The following ADD3 variants were observed in gnomAD, a reference collection of about 807,000 sequenced individuals.
ADD3 encodes the protein adducin 3.
In ADD3, 25 loss-of-function variants were observed where a neutral mutation model predicts 80.2. That is an observed-to-expected ratio of 0.31 (90% CI 0.23 to 0.44). The LOEUF (loss-of-function observed/expected upper bound fraction) is 0.44. ADD3 is among the 20% of genes least tolerant of loss of function. The pLI, the probability that ADD3 is intolerant of heterozygous loss-of-function variation, is 1.00. For missense variants in ADD3, 829 were observed against 847.5 expected (o/e 0.98, Z 0.27); for synonymous variants, 284 against 289.6 (o/e 0.98, Z 0.20).
At chr10:110,102,289 C>G (rs58133534) in intron 2 of ADD3, among the ~76,000 whole-genome samples, 2,995 of 152,112 alleles carry the variant, frequency 0.02, 109 homozygotes, top group African/African-American at 0.068. Context: ...GTTTCCTTCT[C>G]CAAAGAAACC....
At chr10:110,113,370 C>T (rs1027954431) in intron 3 of ADD3, among the ~76,000 whole-genome samples, 4 of 152,156 alleles carry the variant, frequency 2.6e-5, no homozygotes, top group Admixed American at 6.5e-5. Context: ...CAGGTTCAAG[C>T]GATTCTCCTG....
chr10:110,125,715 AATT>A, intron 10 of ADD3, 108 bp from the exon 11 acceptor site: 1 of 727,234 alleles, frequency 1.4e-6, no homozygotes, highest in Non-Finnish European at 2.1e-6. Flanking sequence ...TGCTTAGTGA[AATT>A]ATTTAAACAT....
At chr10:110,026,162 C>T (rs947845438) in intron 1 of ADD3, among the ~76,000 whole-genome samples, 1 of 152,000 alleles carries the variant, frequency 6.6e-6, no homozygotes, top group African/African-American at 2.4e-5. Flanking sequence ...CTTGACATTC[C>T]TTTTTCTTTT....
chr10:110,062,265 A>ATGCTT (rs1035409865), intron 1 of ADD3, among the ~76,000 whole-genome samples: 2 of 145,278 alleles, frequency 1.4e-5, no homozygotes, highest in Non-Finnish European at 3.0e-5. Flanking sequence ...ATGGTGGCAC[A>ATGCTT]TGCTTGTAAT....
At chr10:110,092,163 CT>C (rs1445446644) in intron 1 of ADD3, among the ~76,000 whole-genome samples, 1 of 152,170 alleles carries the variant, frequency 6.6e-6, no homozygotes, top group Non-Finnish European at 1.5e-5. Context: ...CAGGAGGTTT[CT>C]CACAGAATTT....
At chr10:110,109,082 A>G (rs916785587) in intron 2 of ADD3, among the ~76,000 whole-genome samples, 1 of 152,224 alleles carries the variant, frequency 6.6e-6, no homozygotes, top group African/African-American at 2.4e-5. Context: ...TAAAAAGAGC[A>G]TTGGACTTGT....
intron 1 of ADD3, among the ~76,000 whole-genome samples, chr10:110,082,553 A>T (rs961821736): frequency 6.6e-6 from 1 of 152,220 alleles, no homozygotes; most frequent in Non-Finnish European, 1.5e-5. Context: ...TTATTAATAA[A>T]CTGGAAAGTC....
chr10:110,008,632 A>G (rs1349024489), intron 1 of ADD3, among the ~76,000 whole-genome samples: 1 of 152,162 alleles, frequency 6.6e-6, no homozygotes, highest in Non-Finnish European at 1.5e-5. Flanking sequence ...GGGGAGTACC[A>G]AAATCAGTTA....
intron 1 of ADD3, among the ~76,000 whole-genome samples, chr10:110,069,694 A>T (rs902032230): frequency 1.3e-5 from 2 of 152,212 alleles, no homozygotes; most frequent in African/African-American, 2.4e-5. Context: ...AACCTAGAAC[A>T]TTCTTATGCC....
upstream of ADD3, among the ~76,000 whole-genome samples, chr10:110,002,902 G>A (rs1343571755): frequency 6.6e-6 from 1 of 152,094 alleles, no homozygotes; most frequent in Non-Finnish European, 1.5e-5. Context: ...ATATGTTGAC[G>A]AATCCTTGAG....
intron 1 of ADD3, among the ~76,000 whole-genome samples, chr10:110,060,309 A>G (rs1008472664): frequency 6.6e-6 from 1 of 152,212 alleles, no homozygotes; most frequent in Admixed American, 6.5e-5. Flanking sequence ...ATATGCCCAC[A>G]TGAGAATGTG....
At chr10:110,130,861 A>G (rs1257252228) in intron 13 of ADD3, among the ~76,000 whole-genome samples, 2 of 152,076 alleles carry the variant, frequency 1.3e-5, no homozygotes, top group Non-Finnish European at 1.5e-5. Flanking sequence ...GTCTCAAAAA[A>G]AAAAAAACAG....
intron 1 of ADD3, among the ~76,000 whole-genome samples, chr10:110,070,429 A>T (rs1275101580): frequency 1.3e-5 from 2 of 151,874 alleles, no homozygotes; most frequent in Non-Finnish European, 2.9e-5. Context: ...TTGATTTACC[A>T]ACTCAGAATT....
chr10:110,019,378 G>A (rs1428587931), intron 1 of ADD3, among the ~76,000 whole-genome samples: 4 of 144,664 alleles, frequency 2.8e-5, no homozygotes, highest in Admixed American at 6.8e-5. Context: ...TTTTTGAGAC[G>A]GAGTCTTGCT....
intron 1 of ADD3, among the ~76,000 whole-genome samples, chr10:110,084,304 G>A (rs1846428532): frequency 6.6e-6 from 1 of 152,148 alleles, no homozygotes; most frequent in Non-Finnish European, 1.5e-5. Flanking sequence ...TTAATCATGA[G>A]CACATACCTA....
chr10:110,085,995 C>G lies in ADD3; in HGVS notation c.-29-14630C>G, dbSNP rs1003094882. Among the ~76,000 whole-genome samples the G allele has an allele frequency of 6.6e-5, 10 of 152,272 alleles. No individual in the cohort carries two copies. In the East Asian group the frequency reaches 1.7e-3, roughly 26 times the overall value. ...TGGTACAAGCCTGTAATCCCAGCTA[C>G]TTGGACGGCTGAAGCACGAGAATCG... On this transcript the variant is annotated intron_variant, in intron 1 of 14. Transcript: ENST00000356080.
chr10:110,004,197 G>C (rs566361772), upstream of ADD3, among the ~76,000 whole-genome samples: 53 of 151,744 alleles, frequency 3.5e-4, no homozygotes, highest in South Asian at 2.7e-3. Context: ...AAGGAAACTG[G>C]GCAACTAATT....
intron 1 of ADD3, among the ~76,000 whole-genome samples, chr10:110,036,279 A>G (rs1223243562): frequency 6.6e-6 from 1 of 151,938 alleles, no homozygotes. Flanking sequence ...TTTCATTATT[A>G]TAACTTAGAA....
intron 3 of ADD3, among the ~76,000 whole-genome samples, chr10:110,114,573 GA>G (rs776930277): frequency 3.9e-5 from 6 of 152,172 alleles, no homozygotes; most frequent in Non-Finnish European, 7.3e-5. Context: ...AAACAGTCAT[GA>G]AATGTGGTGA....
Sources: allele counts gnomAD v4.1 joint callset (sites outside exome capture counted in the v4.1 genomes callset), GRCh38; gene constraint gnomAD v4.1.1; transcripts MANE v1.5; gene names NCBI Gene and HGNC (gene_info 2026-07-23, HGNC 2026-07-21).